Variants in ALG6 observed in about 807,000 individuals in gnomAD.
ALG6 encodes the protein ALG6 alpha-1,3-glucosyltransferase, also known as dolichyl pyrophosphate Man9GlcNAc2 alpha-1,3-glucosyltransferase.
In ALG6, 46 loss-of-function variants were observed where a neutral mutation model predicts 66.6. The ratio of observed to expected loss-of-function variants is 0.69; its 90% CI spans 0.55 to 0.88. The LOEUF (loss-of-function observed/expected upper bound fraction) is 0.88. ALG6 is among the 40% of genes least tolerant of loss of function. The pLI is 0.00. For synonymous variants in ALG6, 185 were observed against 203.7 expected, an observed-to-expected ratio of 0.91 and a Z score of 0.78; for missense variants, 505 against 586.8, an observed-to-expected ratio of 0.86 and a Z score of 1.44.
intron 2 of ALG6, among the ~76,000 whole-genome samples, chr1:63,393,586 A>G (rs1223381881): frequency 1.3e-5 from 2 of 152,196 alleles, no homozygotes; most frequent in Non-Finnish European, 2.9e-5. Flanking sequence ...AAGGTTGGAT[A>G]TGAGTTGATA....
At chr1:63,436,350 T>TA (rs928975514) in intron 14 of ALG6, among the ~76,000 whole-genome samples, 11 of 152,182 alleles carry the variant, frequency 7.2e-5, no homozygotes, top group African/African-American at 2.7e-4. Context: ...ACATTAATGT[T>TA]AACTATATTC....
At chr1:63,414,612 T>C (rs1644533298) in intron 10 of ALG6, among the ~76,000 whole-genome samples, 1 of 152,350 alleles carries the variant, frequency 6.6e-6, no homozygotes, top group African/African-American at 2.4e-5. Flanking sequence ...AATAAAACTC[T>C]TCAACTTGAA....
intron 5 of ALG6, among the ~76,000 whole-genome samples, chr1:63,406,059 A>G (rs1189222339): frequency 1.3e-5 from 2 of 152,100 alleles, no homozygotes; most frequent in Non-Finnish European, 2.9e-5. Flanking sequence ...GTTAGAGCAA[A>G]GAGAGAATGT....
In ALG6 at chr1:63,433,227, T is replaced by C. The variant is rs193066465; in HGVS notation, c.1327-3596T>C. ...AAGTGCTGGGATTACAGGCGTGAGC[T>C]ACCGCGCCCAGCCCAACAGGCTATA... On this transcript the variant is annotated intron_variant, in intron 14 of 14. Coordinates refer to ENST00000263440, the MANE Select transcript of ALG6 (RefSeq NM_013339.4). This position sits in a 1 kb window ranked among gnomAD's most constrained non-coding sequence, Gnocchi z 4.2. Among the ~76,000 whole-genome samples, 2 of 152,314 alleles carry C rather than the reference T, an allele frequency of 1.3e-5. No individual in the cohort carries two copies. The highest frequency in any genetic ancestry group is 3.9e-4 in the East Asian group (2 of 5,174).
intron 14 of ALG6, among the ~76,000 whole-genome samples, chr1:63,431,694 C>T (rs761080596): frequency 3.3e-5 from 5 of 152,126 alleles, no homozygotes; most frequent in Non-Finnish European, 7.4e-5. Flanking sequence ...TTTCTTTCAA[C>T]AATGTTTTGT....
intron 11 of ALG6, among the ~76,000 whole-genome samples, chr1:63,418,283 A>G (rs1644555323): frequency 6.8e-6 from 1 of 148,068 alleles, no homozygotes. Flanking sequence ...ATTAAATTTA[A>G]TAATTTAATA....
At chr1:63,434,277 A>C (rs1644664874) in intron 14 of ALG6, among the ~76,000 whole-genome samples, 1 of 152,168 alleles carries the variant, frequency 6.6e-6, no homozygotes, top group African/African-American at 2.4e-5. Flanking sequence ...TAGAGCCAAC[A>C]GGAATTGCTG....
At position 63,433,747 on chromosome 1, in the gene ALG6, C is replaced by T. The variant is rs1029217035; in HGVS notation, c.1327-3076C>T. 3.3e-5 allele frequency among the ~76,000 whole-genome samples: 5 copies of T among 152,132 alleles called. No individual in the cohort carries two copies. Among genetic ancestry groups the T allele is most frequent in the African/African-American group, 9.7e-5 (4 of 41,414 alleles). ...AGCATTGTTCTGGAGGCTGAGGATA[C>T]GGTAGTGACCAAAACTAACAGAAAT... On this transcript the variant is annotated intron_variant, in intron 14 of 14. Coordinates refer to ENST00000263440, the MANE Select transcript of ALG6 (RefSeq NM_013339.4). This position sits in a 1 kb window ranked among gnomAD's most constrained non-coding sequence, Gnocchi z 4.2.
In ALG6 at chr1:63,412,004, G is replaced by C. The variant is rs1197808024; in HGVS notation, c.759G>C (p.Arg253Ser). 1 of 1,614,050 alleles carries C rather than the reference G, an allele frequency of 6.2e-7. No individual in the cohort carries two copies. The highest frequency in any genetic ancestry group is 1.1e-5 in the South Asian group (1 of 91,086). ...GCTGGCTGCCATTCTTTACAGAAAG[G>C]GAACAAACCCTGCAGGTTCTAAGAA... is the stretch of plus-strand genomic sequence containing the variant. ...VLCWLPFFTE[R>S]EQTLQVLRRL... The change falls in exon 9 of 15, where the codon AGG (arginine) becomes AGC (serine). Residue 253 changes from arginine to serine, a missense_variant. By Grantham distance (110) the Arg-to-Ser change is moderately radical. Transcript: ENST00000263440.
chr1:63,408,228 T>G (rs1296302023), intron 7 of ALG6, among the ~76,000 whole-genome samples: 2 of 152,180 alleles, frequency 1.3e-5, no homozygotes, highest in Admixed American at 1.3e-4. Flanking sequence ...AGTTTTCCCC[T>G]TTTTTGAATT....
At position 63,418,244 on chromosome 1, in the gene ALG6, G is replaced by A. The variant is rs532184444; in HGVS notation, c.988-1126G>A. On this transcript the variant is annotated intron_variant, in intron 11 of 14. Transcript: ENST00000263440. ...TCTAGAGAAGGTTTCTATAGTTTAG[G>A]GTTTTTCTGAGTAGCTTTATTATTA... Among the ~76,000 whole-genome samples the A allele has an allele frequency of 1.2e-4, 18 of 148,960 alleles. No homozygotes were observed. The South Asian group carries it at 3.8e-3, about 32-fold the overall frequency.
chr1:63,375,867 TAA>T (rs1648106560), intron 2 of ALG6, among the ~76,000 whole-genome samples: 3 of 152,202 alleles, frequency 2.0e-5, no homozygotes, highest in Admixed American at 1.3e-4. Flanking sequence ...CCATTTCACC[TAA>T]GTTTTAAAAT....
At position 63,402,263 on chromosome 1, in the gene ALG6, C is replaced by G; in HGVS notation, c.177C>G (p.Asn59Lys). ...FNLPVKQWYF[N>K]SSDNNLQYWG... Reference sequence around the variant, plus strand: ...TTTTTTTCTTTTTCAGGTATTTTAACAGCAGTGATAACAATTTACAGTATT... The same window carrying G: ...TTTTTTTCTTTTTCAGGTATTTTAAGAGCAGTGATAACAATTTACAGTATT... Residue 59 changes from asparagine to lysine, a missense_variant, in exon 4 of 15, where the codon AAC becomes AAG. Physicochemically the swap from Asn to Lys is moderately conservative, Grantham distance 94. Transcript: ENST00000263440. 6.2e-7 allele frequency: 1 copy of G among 1,600,122 alleles called. No homozygotes were observed. Among genetic ancestry groups the G allele is most frequent in the Non-Finnish European group, 8.6e-7 (1 of 1,167,676 alleles).
chr1:63,381,584 G>T (rs553711251), intron 2 of ALG6, among the ~76,000 whole-genome samples: 1 of 151,844 alleles, frequency 6.6e-6, no homozygotes, highest in Non-Finnish European at 1.5e-5. Flanking sequence ...GGTCAAGGCC[G>T]CAGTGAGCCG....
In ALG6 at chr1:63,429,028, A is replaced by G; in HGVS notation, c.1228A>G (p.Lys410Glu). ...ACVTSFSIFE[K>E]TSEEELQLKS... ...TGTAACTTCCTTTTCAATATTTGAAAAGACTTCTGAAGAAGAACTGCAGTT... is the reference window on the plus strand; with the variant it reads ...TGTAACTTCCTTTTCAATATTTGAAGAGACTTCTGAAGAAGAACTGCAGTT... Residue 410 changes from lysine to glutamate, a missense_variant, in exon 14 of 15, where the codon AAG becomes GAG. Lys to Glu is a moderately conservative substitution (Grantham distance 56). Transcript: ENST00000263440. 2 of 1,607,648 alleles carry G rather than the reference A, an allele frequency of 1.2e-6. No individual in the cohort carries two copies. Among genetic ancestry groups the G allele is most frequent in the East Asian group, 4.5e-5 (2 of 44,708 alleles).
At chr1:63,375,410 ATTTTTTTTTTTTT>A (rs766565038) in intron 2 of ALG6, among the ~76,000 whole-genome samples, 38 of 77,078 alleles carry the variant, frequency 4.9e-4, no homozygotes, top group African/African-American at 1.2e-3. Context: ...CACCCCCGGC[ATTTTTTTTTTTTT>A]TTTTTTTTTT....
chr1:63,376,581 A>G lies in ALG6; in HGVS notation c.82+5522A>G, dbSNP rs375180107. ...TCTAATGTGACATCTACTTTGACCCATGAGTTATTTAGAATTATGTTTAAA... is the reference window on the plus strand; with the variant it reads ...TCTAATGTGACATCTACTTTGACCCGTGAGTTATTTAGAATTATGTTTAAA... On this transcript the variant is annotated intron_variant, in intron 2 of 14. Coordinates refer to ENST00000263440, the MANE Select transcript of ALG6 (RefSeq NM_013339.4). Among the ~76,000 whole-genome samples, 23 of 152,332 alleles carry G rather than the reference A, an allele frequency of 1.5e-4. No homozygotes were observed. The East Asian group carries it at 4.1e-3, about 27-fold the overall frequency.
chr1:63,396,373 T>G, intron 2 of ALG6, 140 bp from the exon 3 acceptor site: 1 of 729,778 alleles, frequency 1.4e-6, no homozygotes, highest in South Asian at 1.6e-5. Flanking sequence ...AGATTTTATC[T>G]CTCTGACTTT....
At chr1:63,434,629 C>T (rs1644668283) in intron 14 of ALG6, among the ~76,000 whole-genome samples, 1 of 152,156 alleles carries the variant, frequency 6.6e-6, no homozygotes, top group African/African-American at 2.4e-5. Flanking sequence ...TTTAAAAACT[C>T]ATCAGCTATC....
Sources: gnomAD v4.1 joint callset for allele counts (sites outside exome capture counted in the v4.1 genomes callset) on GRCh38, gnomAD v4.1.1 for gene constraint, Gnocchi (gnomAD v3.1) non-coding constraint, MANE v1.5 for transcripts, NCBI Gene and HGNC (gene_info 2026-07-23, HGNC 2026-07-21) for gene names.